RAD9A: variants seen among roughly 807,000 people sequenced by gnomAD.
RAD9A encodes cell cycle checkpoint control protein RAD9A.
Under a neutral mutation model 41.2 loss-of-function variants are expected in RAD9A, and 25 were observed. The ratio of observed to expected loss-of-function variants is 0.61; its 90% CI spans 0.44 to 0.85. The LOEUF is 0.85. Ranked by LOEUF, RAD9A falls within the 40% of genes least tolerant of loss-of-function variation. The probability of loss-of-function intolerance (pLI) is 0.00; values close to 1 mark genes in which losing one functional copy is unlikely to be tolerated. For synonymous variants in RAD9A, 252 were observed against 210.6 expected, an observed-to-expected ratio of 1.20 and a Z score of -1.70; for missense variants, 514 against 518.3, an observed-to-expected ratio of 0.99 and a Z score of 0.08.
chr11:67,392,516 A>G (rs369637053), intron 2 of RAD9A, 138 bp from the exon 3 acceptor site: 12 of 1,306,896 alleles, frequency 9.2e-6, no homozygotes, highest in African/African-American at 7.4e-5. Flanking sequence ...GAAGGCTTCC[A>G]TGGGGAAAGG....
intron 9 of RAD9A, 41 bp from the exon 10 acceptor site, chr11:67,397,138 C>T: frequency 6.6e-7 from 1 of 1,508,252 alleles, no homozygotes; most frequent in Non-Finnish European, 9.2e-7. Flanking sequence ...CCTGCCTCTG[C>T]TCCCCCAGTC....
chr11:67,397,182 A>G lies in RAD9A; in HGVS notation c.876A>G (p.Thr292=), dbSNP rs780772184. 1 of 1,611,368 alleles carries G rather than the reference A, an allele frequency of 6.2e-7. No individual in the cohort carries two copies. Among genetic ancestry groups the G allele is most frequent in the Admixed American group, 1.7e-5 (1 of 59,964 alleles). ...GATACTCCGATTCTGCCTACAGCAC[A>G]CCCCACCCGGACGACTTTGCCAATG... The part of the protein sequence containing the change: ...QPVPQLQAHS[T]PHPDDFANDD... Residue 292 remains threonine, a synonymous_variant, in exon 10 of 11, where the codon ACA becomes ACG. Coordinates refer to ENST00000307980, the MANE Select transcript of RAD9A (RefSeq NM_004584.3).
At chr11:67,395,613 G>A (rs1194216222) in intron 5 of RAD9A, 103 bp from the exon 6 acceptor site, 3 of 864,486 alleles carry the variant, frequency 3.5e-6, no homozygotes, top group East Asian at 2.7e-5. Flanking sequence ...CTAGGCCTGC[G>A]CACATCCGTG....
In RAD9A at chr11:67,392,198, G is replaced by T. The variant is rs1248215516; in HGVS notation, c.72G>T (p.Gly24=). The T allele has an allele frequency of 1.2e-6, 2 of 1,612,060 alleles. No individual in the cohort carries two copies. The highest frequency in any genetic ancestry group is 1.1e-5 in the South Asian group (1 of 90,936). The stretch of plus-strand genomic sequence containing the variant: ...CCGTCCACTCCCTGTCCCGCATCGG[G>T]GACGAGCTCTACCTGGAACCCTTGG... ...GKAVHSLSRI[G]DELYLEPLED... Residue 24 remains glycine (G), a synonymous_variant, in exon 2 of 11, where the codon GGG becomes GGT. Coordinates refer to ENST00000307980, the MANE Select transcript of RAD9A (RefSeq NM_004584.3).
At position 67,397,143 on chromosome 11, in the gene RAD9A, C is replaced by T. The variant is rs772178792; in HGVS notation, c.873-36C>T. On this transcript the variant is annotated intron_variant, in intron 9 of 10. Coordinates refer to ENST00000307980, the MANE Select transcript of RAD9A (RefSeq NM_004584.3). Reference sequence around the variant, plus strand: ...AAGGTGGGGCCCTGCCTCTGCTCCCCCAGTCCCCTCCCTGATACTCCGATT... The same window carrying T: ...AAGGTGGGGCCCTGCCTCTGCTCCCTCAGTCCCCTCCCTGATACTCCGATT... The T allele has an allele frequency of 1.3e-5, 20 of 1,541,010 alleles. 1 individual carries two copies. The South Asian group carries it at 2.1e-4, about 16-fold the overall frequency.
chr11:67,393,693 G>A lies in RAD9A; in HGVS notation c.352G>A (p.Val118Met). ...CTGAGACCCTATCGCCCATCCAGGG[G>A]TGCGGAAGACTCACAACCTGTCCTT... ...LVVQLHCKFGVRKTHNLSFQD... is the reference protein window; with the variant it reads ...LVVQLHCKFGMRKTHNLSFQD... The change falls in exon 5 of 11, where the codon GTG becomes ATG. Residue 118 changes from valine (V) to methionine (M), a missense_variant and splice_region_variant. Physicochemically the swap from Val to Met is conservative, Grantham distance 21. This residue lies in a region of RAD9A where 268 missense variants were observed against 279.3 expected (regional missense o/e 0.96). Coordinates refer to ENST00000307980, the MANE Select transcript of RAD9A (RefSeq NM_004584.3). The A allele has an allele frequency of 6.2e-7, 1 of 1,613,260 alleles. No homozygotes were observed. The highest frequency in any genetic ancestry group is 8.5e-7 in the Non-Finnish European group (1 of 1,179,424).
In RAD9A at chr11:67,393,782, C is replaced by T; in HGVS notation, c.441C>T (p.Ala147=). Residue 147 remains alanine (A), a synonymous_variant, in exon 5 of 11, where the codon GCC becomes GCT. Transcript: ENST00000307980. The part of the protein sequence containing the change: ...DPASCPHMLR[A]PARVLGEAVL... Reference sequence around the variant, plus strand: ...CCTCGTGCCCCCACATGCTCCGCGCCCCAGCACGGTGAGCACACCCCTGCC... The same window carrying T: ...CCTCGTGCCCCCACATGCTCCGCGCTCCAGCACGGTGAGCACACCCCTGCC... 1 of 1,606,292 alleles carries T rather than the reference C, an allele frequency of 6.2e-7. No homozygotes were observed. Among genetic ancestry groups the T allele is most frequent in the Non-Finnish European group, 8.5e-7 (1 of 1,176,766 alleles).
At position 67,397,902 on chromosome 11, in the gene RAD9A, A is replaced by G. The variant is rs1294635644; in HGVS notation, c.*343A>G. 1 of 277,528 alleles carries G rather than the reference A, an allele frequency of 3.6e-6. No homozygotes were observed. Among genetic ancestry groups the G allele is most frequent in the Non-Finnish European group, 6.8e-6 (1 of 146,870 alleles). 17.2% of individuals were successfully genotyped at this position (277,528 alleles called of 1,614,324 possible). A position where few individuals can be genotyped will look rare whatever the true frequency, so the allele number is the denominator to read the frequency against. ...CCTCAGGCTCACCTTCCTAAGGAAA[A>G]TGTCATAGTAGGTGCTGCTGGCCCC... On this transcript the variant is annotated 3_prime_UTR_variant, in exon 11 of 11. Transcript: ENST00000307980.
Position 67,397,897 on chromosome 11 carries a change from G to A in RAD9A, c.*338G>A, listed in dbSNP as rs1862764278. On this transcript the variant is annotated 3_prime_UTR_variant, in exon 11 of 11. Coordinates refer to ENST00000307980, the MANE Select transcript of RAD9A (RefSeq NM_004584.3). ...GTCTCCCTCAGGCTCACCTTCCTAA[G>A]GAAAATGTCATAGTAGGTGCTGCTG... The A allele has an allele frequency of 6.8e-6, 2 of 293,472 alleles. No individual in the cohort carries two copies. Among genetic ancestry groups the A allele is most frequent in the South Asian group, 5.2e-5 (1 of 19,416 alleles). The allele number at this position is 293,472 out of a possible 1,614,324, so 18.2% of individuals were successfully genotyped here.
chr11:67,397,536 G>A lies in RAD9A; in HGVS notation c.1153G>A (p.Glu385Lys). Residue 385 changes from glutamate (E) to lysine (K), a missense_variant, in exon 11 of 11, where the codon GAA becomes AAA. Coordinates refer to ENST00000307980, the MANE Select transcript of RAD9A (RefSeq NM_004584.3). Reference sequence around the variant, plus strand: ...CCAGGGCCCCAGCCCTGTGCTGGCGGAAGACAGTGAGGGTGAAGGCTGAAC... The same window carrying A: ...CCAGGGCCCCAGCCCTGTGCTGGCGAAAGACAGTGAGGGTGAAGGCTGAAC... ...SPQGPSPVLAEDSEGEG is the reference protein window; with the variant it reads ...SPQGPSPVLAKDSEGEG 12 of 1,609,372 alleles carry A rather than the reference G, an allele frequency of 7.5e-6. No homozygotes were observed. The highest frequency in any genetic ancestry group is 1.0e-5 in the Non-Finnish European group (12 of 1,176,944).
At chr11:67,393,294 AAAAG>A in intron 3 of RAD9A, 198 bp from the exon 4 acceptor site, 1 of 1,312,580 alleles carries the variant, frequency 7.6e-7, no homozygotes, top group South Asian at 2.0e-5. Context: ...AAAAAAAAAA[AAAAG>A]GTAAGCAGGT....
At chr11:67,392,286 C>A in intron 2 of RAD9A, 55 bp downstream of exon 2, 1 of 1,420,600 alleles carries the variant, frequency 7.0e-7, no homozygotes, top group South Asian at 1.3e-5. Context: ...GCGGGTAACC[C>A]GGACTAGAGT....
Position 67,393,808 on chromosome 11 carries a change from C to T in RAD9A, c.449+18C>T, listed in dbSNP as rs1459075829. On this transcript the variant is annotated intron_variant, in intron 5 of 10. Transcript: ENST00000307980. ...CCAGCACGGTGAGCACACCCCTGCCCTCAGCTCAGCCCCGGGTCTCTCTCT... is the reference window on the plus strand; with the variant it reads ...CCAGCACGGTGAGCACACCCCTGCCTTCAGCTCAGCCCCGGGTCTCTCTCT... The T allele has an allele frequency of 6.4e-7, 1 of 1,568,366 alleles. No individual in the cohort carries two copies. The highest frequency in any genetic ancestry group is 8.7e-7 in the Non-Finnish European group (1 of 1,153,904).
intron 5 of RAD9A, among the ~76,000 whole-genome samples, chr11:67,394,910 TCA>T (rs1393242456): frequency 6.6e-6 from 1 of 152,026 alleles, no homozygotes; most frequent in African/African-American, 2.4e-5. Context: ...GCCACCACAC[TCA>T]GTCTCTTTTT....
intron 2 of RAD9A, 118 bp from the exon 3 acceptor site, chr11:67,392,536 C>T: frequency 7.1e-7 from 1 of 1,402,628 alleles, no homozygotes; most frequent in Non-Finnish European, 9.6e-7. Context: ...GAGGGTTTTT[C>T]AGCAGGTGGT....
chr11:67,392,694 CCTG>C lies in RAD9A; in HGVS notation c.149_151del (p.Cys50del), dbSNP rs1862561122. ...GTGAACTCCTCCCGCTCTGCCTATG[CCTG>C]CTTTCTCTTTGCCCCGCTCTTCTTC... On this transcript the variant is annotated inframe_deletion, in exon 3 of 11. Coordinates refer to ENST00000307980, the MANE Select transcript of RAD9A (RefSeq NM_004584.3). The C allele has an allele frequency of 4.3e-6, 7 of 1,614,050 alleles. No individual in the cohort carries two copies. In the East Asian group the frequency reaches 1.6e-4, roughly 36 times the overall value.
chr11:67,393,934 T>C (rs1862609555), intron 5 of RAD9A, 144 bp downstream of exon 5: 3 of 730,788 alleles, frequency 4.1e-6, no homozygotes, highest in Non-Finnish European at 6.5e-6. Context: ...GCCCGCTATG[T>C]GCTCAGGTCC....
chr11:67,395,229 G>A (rs1463211377), intron 5 of RAD9A: 1 of 154,402 alleles, frequency 6.5e-6, no homozygotes, highest in Non-Finnish European at 1.4e-5. Flanking sequence ...ATGAGCCACT[G>A]TTTTTTTTTA....
rs1449602664 is a variant in RAD9A at position 67,395,755 on chromosome 11, G to A, written c.489G>A (p.Leu163=). 1 of 1,613,232 alleles carries A rather than the reference G, an allele frequency of 6.2e-7. No homozygotes were observed. Among genetic ancestry groups the A allele is most frequent in the Non-Finnish European group, 8.5e-7 (1 of 1,179,600 alleles). Residue 163 remains leucine, a synonymous_variant, in exon 6 of 11, where the codon CTG becomes CTA. Coordinates refer to ENST00000307980, the MANE Select transcript of RAD9A (RefSeq NM_004584.3). The part of the protein sequence containing the change: ...GEAVLPFSPA[L]AEVTLGIGRG... ...CTGTTCTGCCCTTCTCTCCTGCACTGGCTGAAGTGACGCTGGGCATTGGCC... is the reference window on the plus strand; with the variant it reads ...CTGTTCTGCCCTTCTCTCCTGCACTAGCTGAAGTGACGCTGGGCATTGGCC...
Sources: gnomAD v4.1 joint callset for allele counts (sites outside exome capture counted in the v4.1 genomes callset) on GRCh38, gnomAD v4.1.1 for gene constraint, gnomAD v4.1.1 regional missense constraint, MANE v1.5 for transcripts, NCBI Gene and HGNC (gene_info 2026-07-23, HGNC 2026-07-21) for gene names.